CEP83: variants seen among roughly 807,000 people sequenced by gnomAD.
The protein encoded by CEP83 is centrosomal protein 83.
A neutral mutation model predicts 101.9 loss-of-function variants in CEP83; 70 were observed. That is an observed-to-expected ratio of 0.69 (90% confidence interval 0.57 to 0.84). The LOEUF (loss-of-function observed/expected upper bound fraction) is 0.84, where lower values mean the gene tolerates loss of function less well. Ranked by LOEUF, CEP83 falls within the 40% of genes least tolerant of loss-of-function variation. The pLI is 0.00. For synonymous variants in CEP83, 264 were observed against 267.9 expected, an observed-to-expected ratio of 0.99 and a Z score of 0.14; for missense variants, 715 against 787.2, an observed-to-expected ratio of 0.91 and a Z score of 1.10.
chr12:94,420,833 A>T (rs904933518), intron 2 of CEP83, among the ~76,000 whole-genome samples: 1 of 152,146 alleles, frequency 6.6e-6, no homozygotes, highest in Non-Finnish European at 1.5e-5. Flanking sequence ...AATTAAATAC[A>T]AGCACTATAG....
At position 94,444,640 on chromosome 12, in the gene CEP83, C is replaced by T. The variant is rs150067051; in HGVS notation, c.-154-9313G>A. Among the ~76,000 whole-genome samples the T allele has an allele frequency of 5.9e-5, 9 of 152,244 alleles. No individual in the cohort carries two copies. In the East Asian group the frequency reaches 1.7e-3, roughly 29 times the overall value. The stretch of plus-strand genomic sequence containing the variant: ...TCCAGGTAGGAATGGAGGATAGAAT[C>T]AGTTCTTATCCTCATGGTACTAACT... On this transcript the variant is annotated intron_variant, in intron 1 of 16. Transcript: ENST00000397809.
At position 94,414,977 on chromosome 12, in the gene CEP83, A is replaced by G. The variant is rs1446493018; in HGVS notation, c.-101-2386T>C. Among the ~76,000 whole-genome samples the G allele has an allele frequency of 2.6e-5, 4 of 152,142 alleles. No individual in the cohort carries two copies. In the East Asian group the frequency reaches 7.7e-4, roughly 29 times the overall value. ...TTCTAGTTAATACATAGAATTCTGT[A>G]TGCAAAGGGTACAAGAAAAAAACAA... On this transcript the variant is annotated intron_variant, in intron 2 of 16. Transcript: ENST00000397809.
chr12:94,430,630 G>A (rs116186404), intron 2 of CEP83, among the ~76,000 whole-genome samples: 3,592 of 152,148 alleles, frequency 0.024, 151 homozygotes, highest in African/African-American at 0.083. Flanking sequence ...GGCACCACAA[G>A]GCAACTAAAT....
chr12:94,399,771 C>A (rs565641559), intron 6 of CEP83, among the ~76,000 whole-genome samples: 42 of 152,130 alleles, frequency 2.8e-4, no homozygotes, highest in South Asian at 1.0e-3. Context: ...ATCTCACTGA[C>A]TATTGTAATA....
intron 1 of CEP83, among the ~76,000 whole-genome samples, chr12:94,442,412 A>G (rs1001641833): frequency 1.3e-5 from 2 of 152,164 alleles, no homozygotes; most frequent in African/African-American, 4.8e-5. Flanking sequence ...CACCGGGTGC[A>G]GTGTACACTG....
At chr12:94,435,717 A>C (rs2138270613) in intron 1 of CEP83, among the ~76,000 whole-genome samples, 1 of 152,152 alleles carries the variant, frequency 6.6e-6, no homozygotes, top group Middle Eastern at 3.4e-3. Context: ...TAACAGAACA[A>C]CTCTGTTCCA....
chr12:94,393,921 T>C (rs919149172), intron 6 of CEP83, among the ~76,000 whole-genome samples: 4 of 152,156 alleles, frequency 2.6e-5, no homozygotes, highest in South Asian at 2.1e-4. Context: ...TTACAAGGGA[T>C]GTGAAGGACC....
intron 12 of CEP83, 47 bp from the exon 13 acceptor site, chr12:94,333,686 C>T (rs762196850): frequency 2.8e-5 from 44 of 1,577,690 alleles, no homozygotes; most frequent in East Asian, 2.2e-4. Flanking sequence ...TAAATAAATG[C>T]GGTAAGGTAT....
chr12:94,337,914 G>A (rs1301557765), intron 11 of CEP83, among the ~76,000 whole-genome samples: 4 of 152,082 alleles, frequency 2.6e-5, no homozygotes, highest in Admixed American at 2.0e-4. Context: ...AAGAAGTTGA[G>A]AAAATTCATA....
At chr12:94,439,779 G>A (rs1024854722) in intron 1 of CEP83, among the ~76,000 whole-genome samples, 1 of 152,072 alleles carries the variant, frequency 6.6e-6, no homozygotes, top group Non-Finnish European at 1.5e-5. Flanking sequence ...GAACATAGAT[G>A]CAAAAATCCT....
At chr12:94,355,530 A>G (rs1299416485) in intron 11 of CEP83, among the ~76,000 whole-genome samples, 3 of 152,210 alleles carry the variant, frequency 2.0e-5, no homozygotes, top group Admixed American at 6.5e-5. Context: ...ACAAAGCCCA[A>G]AGTTAGTAGA....
rs141604981 is a variant in CEP83 at position 94,342,040 on chromosome 12, T to C, written c.1344-6376A>G. Among the ~76,000 whole-genome samples the C allele has an allele frequency of 1.6e-3, 240 of 152,276 alleles. 1 individual carries two copies. The East Asian group carries it at 0.022, about 14-fold the overall frequency. On this transcript the variant is annotated intron_variant, in intron 11 of 16. Coordinates refer to ENST00000397809, the MANE Select transcript of CEP83 (RefSeq NM_016122.3). ...CCTGTCTTGAATATGTCCTAAAAAA[T>C]GTACCCATCTAAAAGCAAAAGGACA...
chr12:94,291,642 T>C, the CEP83 span, among the ~76,000 whole-genome samples: 3 of 152,182 alleles, frequency 2.0e-5, no homozygotes, highest in Non-Finnish European at 2.9e-5. Flanking sequence ...TTTTAGAACA[T>C]TTTCATCCCT....
intron 4 of CEP83, 123 bp downstream of exon 4, chr12:94,411,574 G>A: frequency 1.5e-6 from 1 of 676,172 alleles, no homozygotes; most frequent in Non-Finnish European, 2.5e-6. Context: ...GTACCACTTG[G>A]AGATACAGCA....
chr12:94,328,531 C>G (rs1292166826), intron 14 of CEP83, among the ~76,000 whole-genome samples: 1 of 152,116 alleles, frequency 6.6e-6, no homozygotes, highest in African/African-American at 2.4e-5. Flanking sequence ...TTTGTTACAT[C>G]TTACGGCAAA....
At chr12:94,301,963 A>T (rs1968508025), downstream of CEP83, among the ~76,000 whole-genome samples, 1 of 149,566 alleles carries the variant, frequency 6.7e-6, no homozygotes, top group Non-Finnish European at 1.5e-5. Context: ...CCTTAGCCTT[A>T]TCACTTAGCC....
At position 94,449,828 on chromosome 12, in the gene CEP83, G is replaced by A. The variant is rs543359810; in HGVS notation, c.-155+9729C>T. Reference sequence around the variant, plus strand: ...AAAAAAGATTTTACAGCATGACCAAGTGTGATCTGTCCCAGGAATACAGGG... The same window carrying A: ...AAAAAAGATTTTACAGCATGACCAAATGTGATCTGTCCCAGGAATACAGGG... On this transcript the variant is annotated intron_variant, in intron 1 of 16. Coordinates refer to ENST00000397809, the MANE Select transcript of CEP83 (RefSeq NM_016122.3). Among the ~76,000 whole-genome samples the A allele has an allele frequency of 8.1e-5, 11 of 135,374 alleles. No individual in the cohort carries two copies. The East Asian group carries it at 2.4e-3, about 29-fold the overall frequency. The allele number at this position is 135,374 out of a possible 152,430, so 88.8% of individuals were successfully genotyped here. A position where few individuals can be genotyped will look rare whatever the true frequency, so the allele number is the denominator to read the frequency against.
chr12:94,373,399 C>T (rs2061389661), intron 8 of CEP83, among the ~76,000 whole-genome samples: 1 of 152,138 alleles, frequency 6.6e-6, no homozygotes, highest in African/African-American at 2.4e-5. Context: ...CACAGAAAGA[C>T]ACACAAGAGC....
chr12:94,305,499 G>C, downstream of CEP83: 1 of 469,624 alleles, frequency 2.1e-6, no homozygotes, highest in Non-Finnish European at 3.8e-6. Context: ...TCTGTAAATA[G>C]AGTTGAAGTG....
Sources: gnomAD v4.1 joint callset for allele counts (sites outside exome capture counted in the v4.1 genomes callset) on GRCh38, gnomAD v4.1.1 for gene constraint, MANE v1.5 for transcripts, NCBI Gene and HGNC (gene_info 2026-07-23, HGNC 2026-07-21) for gene names.